The following MRPS9 variants were observed in gnomAD, a reference collection of about 807,000 sequenced individuals.
MRPS9 encodes mitochondrial ribosomal protein S9.
A neutral mutation model predicts 59.9 loss-of-function variants in MRPS9; 45 were observed. The observed-to-expected ratio is 0.75, with a 90% confidence interval of 0.59 to 0.96. MRPS9 has a LOEUF of 0.96. Ranked by LOEUF, MRPS9 falls within the 40% of genes least tolerant of loss-of-function variation. The pLI, the probability that MRPS9 is intolerant of heterozygous loss-of-function variation, is 0.00. For synonymous variants in MRPS9, 171 were observed against 166.8 expected (o/e 1.03, Z -0.19); for missense variants, 473 against 481.1 (o/e 0.98, Z 0.16).
chr2:105,056,131 T>C (rs980211613), intron 2 of MRPS9, among the ~76,000 whole-genome samples: 1 of 152,116 alleles, frequency 6.6e-6, no homozygotes, highest in African/African-American at 2.4e-5. Context: ...AAGTGCCATC[T>C]TGGAGCCGGA....
In MRPS9 at chr2:105,061,169, T is replaced by C. The variant is rs1357401933; in HGVS notation, c.316-10144T>C. ...ATTGTATTGGAAGGGCTTGAGCAAA[T>C]GCCTTTCTACTGAAATAAACCTCAA... On this transcript the variant is annotated intron_variant, in intron 2 of 10. Coordinates refer to ENST00000258455, the MANE Select transcript of MRPS9 (RefSeq NM_182640.3). Among the ~76,000 whole-genome samples, 14 of 132,968 alleles carry C rather than the reference T, an allele frequency of 1.1e-4. No homozygotes were observed. In the Admixed American group the frequency reaches 1.1e-3, roughly 10 times the overall value. 87.2% of individuals were successfully genotyped at this position (132,968 alleles called of 152,430 possible). A position where few individuals can be genotyped will look rare whatever the true frequency, so the allele number is the denominator to read the frequency against.
intron 1 of MRPS9, among the ~76,000 whole-genome samples, chr2:105,044,621 A>G (rs1679562236): frequency 6.6e-6 from 1 of 152,212 alleles, no homozygotes; most frequent in East Asian, 1.9e-4. Context: ...GTTTATAAAT[A>G]TGTTTAAACC....
intron 4 of MRPS9, among the ~76,000 whole-genome samples, chr2:105,076,580 C>G (rs1680216624): frequency 6.6e-6 from 1 of 152,076 alleles, no homozygotes; most frequent in Admixed American, 6.6e-5. Context: ...CAGAAGATAA[C>G]AGAGTTTGGT....
At position 105,071,480 on chromosome 2, in the gene MRPS9, A is replaced by C; in HGVS notation, c.400A>C (p.Arg134=). ...VMKHPEQIFP[R]QRAIQWGEDG... Reference sequence around the variant, plus strand: ...ACAGCATCCTGAACAGATTTTTCCAAGACAAAGAGGTAAGTTTGTTCAAGA... The same window carrying C: ...ACAGCATCCTGAACAGATTTTTCCACGACAAAGAGGTAAGTTTGTTCAAGA... The change falls in exon 4 of 11, where the codon AGA becomes CGA. Residue 134 remains arginine, a synonymous_variant. Transcript: ENST00000258455. 1 of 1,604,556 alleles carries C rather than the reference A, an allele frequency of 6.2e-7. No individual in the cohort carries two copies. The highest frequency in any genetic ancestry group is 8.5e-7 in the Non-Finnish European group (1 of 1,174,284).
chr2:105,042,810 G>A (rs572205888), intron 1 of MRPS9, among the ~76,000 whole-genome samples: 34 of 152,200 alleles, frequency 2.2e-4, no homozygotes, highest in Non-Finnish European at 4.3e-4. Context: ...GCTCAGATTT[G>A]TTAAATGAAC....
At chr2:105,048,798 C>T (rs1000311756) in intron 1 of MRPS9, among the ~76,000 whole-genome samples, 8 of 151,944 alleles carry the variant, frequency 5.3e-5, no homozygotes, top group Non-Finnish European at 1.2e-4. Flanking sequence ...GTGTATTTGC[C>T]TCCTTAAGGG....
chr2:105,079,873 A>G (rs1401946895), intron 4 of MRPS9, 110 bp from the exon 5 acceptor site: 6 of 572,510 alleles, frequency 1.0e-5, no homozygotes, highest in African/African-American at 3.8e-5. Context: ...ATTTTTTTGT[A>G]TTTTTTATTA....
chr2:105,082,940 A>T (rs1680376553), intron 5 of MRPS9, among the ~76,000 whole-genome samples: 1 of 152,230 alleles, frequency 6.6e-6, no homozygotes, highest in South Asian at 2.1e-4. Context: ...CTTAATAAAA[A>T]GTAATTTAAA....
intron 1 of MRPS9, among the ~76,000 whole-genome samples, chr2:105,044,014 CA>C (rs1374767625): frequency 6.6e-6 from 1 of 151,380 alleles, no homozygotes; most frequent in Non-Finnish European, 1.5e-5. Flanking sequence ...CGGCTCACTG[CA>C]ACCTCCGCCT....
rs1291193740 is a variant in MRPS9, at chr2:105,080,077, T to C, written c.489+15T>C. 2 of 1,541,720 alleles carry C rather than the reference T, an allele frequency of 1.3e-6. No homozygotes were observed. The highest frequency in any genetic ancestry group is 1.4e-5 in the African/African-American group (1 of 73,116). On this transcript the variant is annotated intron_variant, in intron 5 of 10. Transcript: ENST00000258455. ...CATTAATGCATGTAAGTATATTGCA[T>C]TTATGATAAATAATATGAGCTGTAA... is the stretch of plus-strand genomic sequence containing the variant.
chr2:105,088,989 A>G lies in MRPS9; in HGVS notation c.495A>G (p.Val165=), dbSNP rs1680504921. Residue 165 remains valine, a synonymous_variant, in exon 6 of 11, where the codon GTA becomes GTG. Coordinates refer to ENST00000258455, the MANE Select transcript of MRPS9 (RefSeq NM_182640.3). ...GTATATTTTGTTTGCCATAGGATGT[A>G]TATGGAATGTTACTCAATTTAGAAA... ...KQSYYSLMHD[V]YGMLLNLEKH... The G allele has an allele frequency of 3.7e-6, 6 of 1,608,352 alleles. No homozygotes were observed. The East Asian group carries it at 1.1e-4, about 30-fold the overall frequency.
intron 1 of MRPS9, among the ~76,000 whole-genome samples, chr2:105,042,643 T>A (rs1679521405): frequency 1.3e-5 from 2 of 152,232 alleles, no homozygotes; most frequent in Admixed American, 1.3e-4. Context: ...GTATCATTCT[T>A]TTTGTCAGAT....
At chr2:105,040,047 A>G (rs1410942991) in intron 1 of MRPS9, among the ~76,000 whole-genome samples, 1 of 152,214 alleles carries the variant, frequency 6.6e-6, no homozygotes, top group East Asian at 1.9e-4. Flanking sequence ...CCTGAATACT[A>G]CTACAGCATA....
Position 105,086,091 on chromosome 2 carries a change from G to A in MRPS9, c.490-2893G>A, listed in dbSNP as rs561739320. On this transcript the variant is annotated intron_variant, in intron 5 of 10. Coordinates refer to ENST00000258455, the MANE Select transcript of MRPS9 (RefSeq NM_182640.3). ...AAGAATAAATGGAAATGATGCACCA[G>A]TAAAATTGTTTGACTCTTGAAAGCC... 7.2e-5 allele frequency among the ~76,000 whole-genome samples: 11 copies of A among 152,280 alleles called. No homozygotes were observed. In the East Asian group the frequency reaches 7.7e-4, roughly 11 times the overall value.
intron 1 of MRPS9, among the ~76,000 whole-genome samples, chr2:105,043,107 C>A (rs952052253): frequency 6.6e-6 from 1 of 152,146 alleles, no homozygotes; most frequent in Non-Finnish European, 1.5e-5. Flanking sequence ...ACAGTAATTT[C>A]TTATCATCTA....
chr2:105,099,667 C>A lies in MRPS9; in HGVS notation c.1100-3C>A, dbSNP rs1395088552. On this transcript the variant is annotated splice_region_variant and splice_polypyrimidine_tract_variant and intron_variant, in intron 10 of 10. Transcript: ENST00000258455. ...CCTAAAGGCTTCTCTTTTTATGCTG[C>A]AGCTGGACTACTTACTACTGATCCA... The A allele has an allele frequency of 6.2e-7, 1 of 1,613,276 alleles. No homozygotes were observed. Among genetic ancestry groups the A allele is most frequent in the Non-Finnish European group, 8.5e-7 (1 of 1,179,714 alleles).
intron 5 of MRPS9, among the ~76,000 whole-genome samples, chr2:105,087,725 G>T (rs1680475910): frequency 6.6e-6 from 1 of 151,898 alleles, no homozygotes; most frequent in East Asian, 1.9e-4. Flanking sequence ...TATTATATCG[G>T]CTTTTCTCAT....
chr2:105,090,052 T>A, intron 7 of MRPS9, 57 bp downstream of exon 7: 1 of 979,358 alleles, frequency 1.0e-6, no homozygotes, highest in Non-Finnish European at 1.6e-6. Context: ...TACAGACAAT[T>A]GCTGTATTTA....
chr2:105,044,830 C>CCTAACAAATATTTGA (rs1304088937), intron 1 of MRPS9, among the ~76,000 whole-genome samples: 3 of 152,076 alleles, frequency 2.0e-5, no homozygotes, highest in Admixed American at 1.3e-4. Flanking sequence ...GGGATATTTA[C>CCTAACAAATATTTGA]CTAACAAAAT....
Sources: gnomAD v4.1 joint callset for allele counts (sites outside exome capture counted in the v4.1 genomes callset) on GRCh38, gnomAD v4.1.1 for gene constraint, MANE v1.5 for transcripts, NCBI Gene and HGNC (gene_info 2026-07-23, HGNC 2026-07-21) for gene names.